TAF1B: variants seen among roughly 807,000 people sequenced by gnomAD.
The protein encoded by TAF1B is TATA box-binding protein-associated factor RNA polymerase I subunit B.
A neutral mutation model predicts 83.9 loss-of-function variants in TAF1B; 61 were observed. That is an observed-to-expected ratio of 0.73 (90% CI 0.59 to 0.90). The LOEUF (loss-of-function observed/expected upper bound fraction) is 0.90, where lower values mean the gene tolerates loss of function less well. Among genes scored for constraint, TAF1B ranks in the 40% least tolerant of loss-of-function variants. The probability of loss-of-function intolerance (pLI) is 0.00; values close to 1 mark genes in which losing one functional copy is unlikely to be tolerated. For synonymous variants in TAF1B, 221 were observed against 224.6 expected (o/e 0.98, Z 0.14); for missense variants, 625 against 677.0 (o/e 0.92, Z 0.85).
chr2:9,923,130 C>T (rs532318561), intron 14 of TAF1B, among the ~76,000 whole-genome samples: 4 of 150,222 alleles, frequency 2.7e-5, no homozygotes, highest in South Asian at 2.1e-4. Context: ...ATAATCTACT[C>T]GGGAGGCTGA....
chr2:9,843,654 G>T, intron 1 of TAF1B, 95 bp downstream of exon 1: 1 of 1,335,578 alleles, frequency 7.5e-7, no homozygotes, highest in Admixed American at 3.1e-5. Context: ...GGTTGGGGCG[G>T]CGACGCCACC....
At chr2:9,895,101 A>G (rs954169462) in intron 8 of TAF1B, among the ~76,000 whole-genome samples, 6 of 152,244 alleles carry the variant, frequency 3.9e-5, no homozygotes, top group Non-Finnish European at 7.3e-5. Flanking sequence ...GTACAAGTTG[A>G]CAACGCGTTT....
intron 5 of TAF1B, among the ~76,000 whole-genome samples, chr2:9,865,357 A>G (rs1274794936): frequency 6.6e-6 from 1 of 152,230 alleles, no homozygotes; most frequent in Non-Finnish European, 1.5e-5. Flanking sequence ...CAAAGAGAAT[A>G]AAATACCTAG....
Position 9,854,360 on chromosome 2 carries a change from T to C in TAF1B, c.338T>C (p.Leu113Pro). ...TTACATAATTTTTGGAAGCGCTACCTTCAGAAGAGCAAGCAGGCATATTGT... is the reference window on the plus strand; with the variant it reads ...TTACATAATTTTTGGAAGCGCTACCCTCAGAAGAGCAAGCAGGCATATTGT... The part of the protein sequence containing the change: ...DVLHNFWKRY[L>P]QKSKQAYCKN... The change falls in exon 5 of 15, where the codon CTT becomes CCT. Residue 113 changes from leucine (L) to proline (P), a missense_variant. Transcript: ENST00000263663. 6.2e-7 allele frequency: 1 copy of C among 1,614,074 alleles called. No individual in the cohort carries two copies.
At chr2:9,887,773 A>G (rs1664725941) in intron 8 of TAF1B, among the ~76,000 whole-genome samples, 1 of 152,046 alleles carries the variant, frequency 6.6e-6, no homozygotes, top group Non-Finnish European at 1.5e-5. Flanking sequence ...TCTTGCTATT[A>G]CATGTCTCAT....
At chr2:9,866,157 G>A (rs1244812981) in intron 5 of TAF1B, among the ~76,000 whole-genome samples, 6 of 149,426 alleles carry the variant, frequency 4.0e-5, no homozygotes, top group African/African-American at 1.5e-4. Context: ...GCAACCTACA[G>A]AATGGGAGAA....
intron 5 of TAF1B, among the ~76,000 whole-genome samples, chr2:9,866,857 G>C (rs1175973968): frequency 6.6e-6 from 1 of 151,764 alleles, no homozygotes; most frequent in Non-Finnish European, 1.5e-5. Flanking sequence ...AACATCGCAT[G>C]TTCTCACTCA....
chr2:9,905,919 A>G (rs1665326583), intron 9 of TAF1B, among the ~76,000 whole-genome samples: 1 of 152,226 alleles, frequency 6.6e-6, no homozygotes, highest in Non-Finnish European at 1.5e-5. Flanking sequence ...TAACATTTCT[A>G]AAGCTAAGGA....
chr2:9,930,144 T>TG (rs1381181120), intron 14 of TAF1B, among the ~76,000 whole-genome samples: 1 of 42,506 alleles, frequency 2.4e-5, no homozygotes, highest in Non-Finnish European at 1.4e-4. Context: ...GATTCATTGA[T>TG]TTTTTTAAGG....
In TAF1B at chr2:9,868,305, C is replaced by T. The variant is rs148315813; in HGVS notation, c.429C>T (p.Asp143=). The T allele has an allele frequency of 7.4e-6, 12 of 1,613,996 alleles. No individual in the cohort carries two copies. Among genetic ancestry groups the T allele is most frequent in the Non-Finnish European group, 1.0e-5 (12 of 1,180,000 alleles). The change falls in exon 6 of 15, where the codon GAC becomes GAT. Residue 143 remains aspartate (D), a synonymous_variant. Transcript: ENST00000263663. ...TVLEDNLSHS[D]WASEPELLSD... ...TAGAAGATAATCTAAGTCATTCAGA[C>T]TGGGCTAGTGAGCCTGAGCTGCTAA...
At chr2:9,886,617 A>G (rs1271902994) in intron 8 of TAF1B, among the ~76,000 whole-genome samples, 2 of 152,168 alleles carry the variant, frequency 1.3e-5, no homozygotes, top group East Asian at 1.9e-4. Flanking sequence ...AATTTCTTCT[A>G]TGTGTTCTTT....
chr2:9,902,713 A>G (rs570113622), intron 8 of TAF1B, among the ~76,000 whole-genome samples: 68 of 152,314 alleles, frequency 4.5e-4, no homozygotes, highest in African/African-American at 1.5e-3. Flanking sequence ...ATCCTAGTAC[A>G]TGTCTTTTAT....
chr2:9,913,334 T>A, intron 12 of TAF1B, 85 bp downstream of exon 12: 2 of 1,022,700 alleles, frequency 2.0e-6, no homozygotes, highest in Non-Finnish European at 2.9e-6. Flanking sequence ...TTCATCAGTA[T>A]ACACTTATCT....
rs573827549 is a variant in TAF1B, at chr2:9,858,587, G to T, written c.399+4166G>T. On this transcript the variant is annotated intron_variant, in intron 5 of 14. Coordinates refer to ENST00000263663, the MANE Select transcript of TAF1B (RefSeq NM_005680.3). The stretch of plus-strand genomic sequence containing the variant: ...AGAAGAGGTTCTCTATGAGGGCTCT[G>T]CCCCTGCATCAGACTTCTGCCTGGA... 3.9e-5 allele frequency among the ~76,000 whole-genome samples: 6 copies of T among 152,352 alleles called. No homozygotes were observed. The East Asian group carries it at 7.7e-4, about 20-fold the overall frequency.
At chr2:9,896,670 T>C (rs1665029002) in intron 8 of TAF1B, among the ~76,000 whole-genome samples, 1 of 102,572 alleles carries the variant, frequency 9.7e-6, no homozygotes, top group Non-Finnish European at 2.7e-5. Flanking sequence ...CAAACCTTTA[T>C]CCCAGCTGAG....
chr2:9,886,393 G>T (rs928435331), intron 8 of TAF1B, among the ~76,000 whole-genome samples: 1 of 152,194 alleles, frequency 6.6e-6, no homozygotes, highest in Non-Finnish European at 1.5e-5. Flanking sequence ...ATGGATATGG[G>T]AAAGGATAAT....
chr2:9,876,175 C>T (rs926394589), intron 7 of TAF1B, among the ~76,000 whole-genome samples, 157 bp downstream of exon 7: 2 of 152,166 alleles, frequency 1.3e-5, no homozygotes, highest in African/African-American at 4.8e-5. Flanking sequence ...TGTAATCCCC[C>T]CTGGGCTAGT....
chr2:9,875,264 C>G (rs1436258752), intron 6 of TAF1B, among the ~76,000 whole-genome samples: 3 of 152,230 alleles, frequency 2.0e-5, no homozygotes, highest in Non-Finnish European at 2.9e-5. Context: ...GTGCCTGGCT[C>G]AAATCCGTCT....
intron 8 of TAF1B, among the ~76,000 whole-genome samples, chr2:9,904,088 A>T (rs1665270347): frequency 6.6e-6 from 1 of 152,088 alleles, no homozygotes; most frequent in Non-Finnish European, 1.5e-5. Context: ...GGCTTGGAAC[A>T]TATTACTTGC....
Sources: gnomAD v4.1 joint callset for allele counts (sites outside exome capture counted in the v4.1 genomes callset) on GRCh38, gnomAD v4.1.1 for gene constraint, MANE v1.5 for transcripts, NCBI Gene and HGNC (gene_info 2026-07-23, HGNC 2026-07-21) for gene names.